Variants in SH3TC2 observed in about 807,000 individuals in gnomAD.
SH3TC2 encodes SH3 domain and tetratricopeptide repeats 2, also known as SH3 domain and tetratricopeptide repeat-containing protein 2.
In SH3TC2, 87 loss-of-function variants were observed where a neutral mutation model predicts 124.5. The observed-to-expected ratio is 0.70, with a 90% CI of 0.59 to 0.84. The LOEUF (loss-of-function observed/expected upper bound fraction) is 0.84, where lower values mean the gene tolerates loss of function less well. Among genes scored for constraint, SH3TC2 ranks in the 40% least tolerant of loss-of-function variants. The pLI is 0.00. For missense variants in SH3TC2, 1,536 were observed against 1,566.4 expected (o/e 0.98, Z 0.33); for synonymous variants, 634 against 628.5 (o/e 1.01, Z -0.13).
At position 149,047,945 on chromosome 5, in the gene SH3TC2, C is replaced by T. The variant is rs1210356721; in HGVS notation, c.196G>A (p.Val66Ile). 1.9e-6 allele frequency: 3 copies of T among 1,614,050 alleles called. No homozygotes were observed. Among genetic ancestry groups the T allele is most frequent in the African/African-American group, 2.7e-5 (2 of 74,906 alleles). The change falls in exon 3 of 17, where the codon GTA (valine) becomes ATA (isoleucine). Residue 66 changes from valine to isoleucine, a missense_variant. Transcript: ENST00000515425. The stretch of plus-strand genomic sequence containing the variant: ...GCAGCTTCCTGTAGGGGTCCATTTA[C>T]ACACCTCCTGGAGCGGCTCTTTACA... ...FCVKSRSRRC[V>I]NGPLQEAARR...
intron 5 of SH3TC2, 96 bp downstream of exon 5, chr5:149,042,598 A>C: frequency 6.7e-7 from 1 of 1,483,808 alleles, no homozygotes; most frequent in Non-Finnish European, 9.4e-7. Flanking sequence ...TCCATGTTTG[A>C]ATGATTTTTC....
Position 149,004,898 on chromosome 5 carries a change from G to A in SH3TC2, c.3680C>T (p.Ala1227Val), listed in dbSNP as rs1753660193. The A allele has an allele frequency of 3.1e-6, 5 of 1,614,174 alleles. No individual in the cohort carries two copies. The East Asian group carries it at 6.7e-5, about 22-fold the overall frequency. Residue 1227 changes from alanine to valine, a missense_variant, in exon 17 of 17, where the codon GCC becomes GTC. Ala to Val is a moderately conservative substitution (Grantham distance 64). Coordinates refer to ENST00000515425, the MANE Select transcript of SH3TC2 (RefSeq NM_024577.4). ...GRLTFCQLKDAHDATEYFLLA... is the reference protein window; with the variant it reads ...GRLTFCQLKDVHDATEYFLLA... ...AAGGAAGTACTCAGTGGCATCATGG[G>A]CATCCTAACCCCGTGGTATGGGGGC...
intron 9 of SH3TC2, 55 bp downstream of exon 9, chr5:149,031,499 T>C: frequency 6.2e-7 from 1 of 1,611,918 alleles, no homozygotes; most frequent in Non-Finnish European, 8.5e-7. Context: ...TTAGGGACAC[T>C]ATCTTATTCT....
rs1406724265 is a variant in SH3TC2 at position 148,990,663 on chromosome 5, G to A, written c.*14048C>T. Among the ~76,000 whole-genome samples the A allele has an allele frequency of 6.6e-6, 1 of 152,138 alleles. No homozygotes were observed. The highest frequency in any genetic ancestry group is 1.5e-5 in the Non-Finnish European group (1 of 68,016). ...GCATGTTAATAATACCACCCTTGAGGTTGTTGTGAACACAGAAAATGAAAT... is the reference window on the plus strand; with the variant it reads ...GCATGTTAATAATACCACCCTTGAGATTGTTGTGAACACAGAAAATGAAAT... On this transcript the variant is annotated 3_prime_UTR_variant, in exon 17 of 17. Coordinates refer to ENST00000515425, the MANE Select transcript of SH3TC2 (RefSeq NM_024577.4).
intron 12 of SH3TC2, among the ~76,000 whole-genome samples, chr5:149,023,497 G>C (rs10053624): frequency 0.04 from 6,042 of 151,274 alleles, 390 homozygotes; most frequent in African/African-American, 0.14. Context: ...AAATCTTTAA[G>C]TAGTTACTTC....
intron 3 of SH3TC2, chr5:149,047,621 A>G (rs921659133): frequency 1.2e-5 from 6 of 505,442 alleles, no homozygotes; most frequent in Non-Finnish European, 2.2e-5. Context: ...AACTAATAGA[A>G]TATTTGAAAC....
At position 149,002,455 on chromosome 5, in the gene SH3TC2, C is replaced by G. The variant is rs931970858; in HGVS notation, c.*2256G>C. ...TTACTAATTAGACAACTGGAAGCTT[C>G]TCCTTCCTGGAGAATACTCTCTAGA... is the stretch of plus-strand genomic sequence containing the variant. On this transcript the variant is annotated 3_prime_UTR_variant, in exon 17 of 17. Coordinates refer to ENST00000515425, the MANE Select transcript of SH3TC2 (RefSeq NM_024577.4). The G allele has an allele frequency of 6.6e-6, 1 of 152,604 alleles. No individual in the cohort carries two copies. The highest frequency in any genetic ancestry group is 1.5e-5 in the Non-Finnish European group (1 of 68,036). The allele number at this position is 152,604 out of a possible 1,614,324, so 9.5% of individuals were successfully genotyped here. A position where few individuals can be genotyped will look rare whatever the true frequency, so the allele number is the denominator to read the frequency against.
At chr5:149,007,750 C>T (rs1753714827) in intron 15 of SH3TC2, 2 of 153,610 alleles carry the variant, frequency 1.3e-5, no homozygotes. Flanking sequence ...GGAACAAAGG[C>T]TTACAATCAT....
In SH3TC2 at chr5:149,003,047, T is replaced by G. The variant is rs1001854428; in HGVS notation, c.*1664A>C. The G allele has an allele frequency of 1.3e-5, 2 of 152,594 alleles. No individual in the cohort carries two copies. The highest frequency in any genetic ancestry group is 2.9e-5 in the Non-Finnish European group (2 of 68,028). The allele number at this position is 152,594 out of a possible 1,614,324, so 9.5% of individuals were successfully genotyped here. ...TCATTTCAAACAATCTCACAGGTGATGCTGATGCTGCTGGTTAGTGGACCA... is the reference window on the plus strand; with the variant it reads ...TCATTTCAAACAATCTCACAGGTGAGGCTGATGCTGCTGGTTAGTGGACCA... On this transcript the variant is annotated 3_prime_UTR_variant, in exon 17 of 17. Transcript: ENST00000515425.
At chr5:149,054,028 A>G (rs1352975484) in intron 1 of SH3TC2, among the ~76,000 whole-genome samples, 3 of 152,242 alleles carry the variant, frequency 2.0e-5, no homozygotes, top group Non-Finnish European at 4.4e-5. Context: ...ACATTTAAAA[A>G]TAACTAAAAG....
At chr5:149,020,346 C>T (rs1050301995) in intron 12 of SH3TC2, among the ~76,000 whole-genome samples, 2 of 151,594 alleles carry the variant, frequency 1.3e-5, no homozygotes, top group African/African-American at 4.9e-5. Flanking sequence ...CAAGAAATAA[C>T]AAGGAAATTA....
rs115154215 is a variant in SH3TC2, at chr5:149,052,934, G to C, written c.53-694C>G. ...AGGAAATGTCAAAAACATTGCTGTA[G>C]AACATGGGTCTCCTTTATGGCATCC... On this transcript the variant is annotated intron_variant, in intron 1 of 16. Coordinates refer to ENST00000515425, the MANE Select transcript of SH3TC2 (RefSeq NM_024577.4). Among the ~76,000 whole-genome samples, 641 of 152,296 alleles carry C rather than the reference G, an allele frequency of 4.2e-3. 3 individuals are homozygous for C. Among genetic ancestry groups the C allele is most frequent in the African/African-American group, 0.015 (620 of 41,570 alleles).
chr5:149,049,411 C>T (rs1263477270), intron 2 of SH3TC2, among the ~76,000 whole-genome samples: 1 of 152,184 alleles, frequency 6.6e-6, no homozygotes, highest in Non-Finnish European at 1.5e-5. Flanking sequence ...AATCACCTCT[C>T]TATGCATGGC....
rs761916589 is a variant in SH3TC2 at position 149,012,768 on chromosome 5, G to C, written c.3054-34C>G. 3 of 1,613,220 alleles carry C rather than the reference G, an allele frequency of 1.9e-6. No individual in the cohort carries two copies. In the South Asian group the frequency reaches 3.3e-5, roughly 18 times the overall value. ...AGACATGAACTTGTGAGGTGTGAAG[G>C]CTCAAAGGGGCCTTAGGGTCCACTC... On this transcript the variant is annotated intron_variant, in intron 12 of 16. Coordinates refer to ENST00000515425, the MANE Select transcript of SH3TC2 (RefSeq NM_024577.4).
chr5:149,027,153 A>T lies in SH3TC2; in HGVS notation c.2579T>A (p.Leu860His). 1.2e-6 allele frequency: 2 copies of T among 1,614,182 alleles called. No homozygotes were observed. Among genetic ancestry groups the T allele is most frequent in the Non-Finnish European group, 1.7e-6 (2 of 1,180,020 alleles). ...GRVNRAAKSY[L>H]RALNRAQEVG... ...CTCCTGGGCTCTGTTCAAGGCCCGAAGATAGCTCTTGGCTGCCCTGTTCAC... is the reference window on the plus strand; with the variant it reads ...CTCCTGGGCTCTGTTCAAGGCCCGATGATAGCTCTTGGCTGCCCTGTTCAC... Residue 860 changes from leucine to histidine, a missense_variant, in exon 11 of 17, where the codon CTT becomes CAT. Transcript: ENST00000515425.
chr5:149,052,081 TAA>T (rs1428231922), intron 2 of SH3TC2, 59 bp downstream of exon 2: 2 of 1,170,546 alleles, frequency 1.7e-6, no homozygotes, highest in East Asian at 4.7e-5. Flanking sequence ...ATGGGAAAGA[TAA>T]AGAGGTTATC....
At chr5:149,016,724 G>T (rs1270865952) in intron 12 of SH3TC2, among the ~76,000 whole-genome samples, 3 of 152,080 alleles carry the variant, frequency 2.0e-5, no homozygotes, top group Non-Finnish European at 4.4e-5. Context: ...AGGAGATCGA[G>T]ACCATCCTGG....
rs751525299 is a variant in SH3TC2, at chr5:149,062,988, C to A, written c.35G>T (p.Ser12Ile). 12 of 1,598,326 alleles carry A rather than the reference C, an allele frequency of 7.5e-6. No individual in the cohort carries two copies. The highest frequency in any genetic ancestry group is 8.5e-6 in the Non-Finnish European group (10 of 1,172,012). Reference protein sequence around the residue: ...GGCFCIPRERSLTRGPGKETP... With the variant: ...GGCFCIPRERILTRGPGKETP... ...AAACTCACCTGGGCCCCGGGTCAGA[C>A]TCCGCTCCCTGGGGATGCAGAAGCA... Residue 12 changes from serine to isoleucine, a missense_variant, in exon 1 of 17, where the codon AGT becomes ATT. Coordinates refer to ENST00000515425, the MANE Select transcript of SH3TC2 (RefSeq NM_024577.4).
intron 1 of SH3TC2, among the ~76,000 whole-genome samples, chr5:149,060,042 C>T (rs1211373545): frequency 2.0e-5 from 3 of 152,258 alleles, no homozygotes; most frequent in South Asian, 2.1e-4. Context: ...TCAGCATTCA[C>T]CCTTGATCTC....
Sources: gnomAD v4.1 joint callset for allele counts (sites outside exome capture counted in the v4.1 genomes callset) on GRCh38, gnomAD v4.1.1 for gene constraint, MANE v1.5 for transcripts, NCBI Gene and HGNC (gene_info 2026-07-23, HGNC 2026-07-21) for gene names.